XXYLT1: variants seen among roughly 807,000 people sequenced by gnomAD.
The protein encoded by XXYLT1 is xyloside xylosyltransferase 1, also known as UDP-xylose:alpha-xyloside alpha-1,3-xylosyltransferase.
In XXYLT1, 20 loss-of-function variants were observed where a neutral mutation model predicts 28.9. That is an observed-to-expected ratio of 0.69 (90% confidence interval 0.49 to 1.00). XXYLT1 has a LOEUF of 1.00. XXYLT1 is among the 50% of genes least tolerant of loss of function. XXYLT1 has a pLI of 0.00. For missense variants in XXYLT1, 542 were observed against 560.1 expected, an observed-to-expected ratio of 0.97 and a Z score of 0.33; for synonymous variants, 257 against 253.8, an observed-to-expected ratio of 1.01 and a Z score of -0.12.
At chr3:195,201,699 A>G (rs1332474214) in intron 2 of XXYLT1, among the ~76,000 whole-genome samples, 1 of 152,156 alleles carries the variant, frequency 6.6e-6, no homozygotes, top group East Asian at 1.9e-4. Context: ...AGCTGGGCAG[A>G]TGTACACATT....
chr3:195,207,548 T>G (rs1723127212), intron 2 of XXYLT1: 1 of 447,134 alleles, frequency 2.2e-6, no homozygotes, highest in African/African-American at 2.0e-5. Flanking sequence ...CCTCAAAGCC[T>G]TCCCCAAATT....
intron 2 of XXYLT1, among the ~76,000 whole-genome samples, chr3:195,174,653 C>T (rs1721569009): frequency 6.6e-6 from 1 of 150,856 alleles, no homozygotes; most frequent in African/African-American, 2.4e-5. Context: ...CTTTCCTTCC[C>T]TCTTTCCCTC....
At position 195,180,413 on chromosome 3, in the gene XXYLT1, G is replaced by A. The variant is rs553460595; in HGVS notation, c.653-23832C>T. Reference sequence around the variant, plus strand: ...CACTTCCTTCGGCTGCAGCCTCGCCGATTCCCGAGCTGTTTCCTGCTGCTT... The same window carrying A: ...CACTTCCTTCGGCTGCAGCCTCGCCAATTCCCGAGCTGTTTCCTGCTGCTT... On this transcript the variant is annotated intron_variant, in intron 2 of 3. Coordinates refer to ENST00000310380, the MANE Select transcript of XXYLT1 (RefSeq NM_152531.5). This position sits in a 1 kb window ranked among gnomAD's most constrained non-coding sequence, Gnocchi z 5.8. 23 of 985,682 alleles carry A rather than the reference G, an allele frequency of 2.3e-5. No individual in the cohort carries two copies. The South Asian group carries it at 7.5e-4, about 32-fold the overall frequency. 61.1% of individuals were successfully genotyped at this position (985,682 alleles called of 1,614,324 possible). A position where few individuals can be genotyped will look rare whatever the true frequency, so the allele number is the denominator to read the frequency against.
intron 3 of XXYLT1, among the ~76,000 whole-genome samples, chr3:195,097,334 C>T (rs1716503669): frequency 9.2e-6 from 1 of 108,496 alleles, no homozygotes; most frequent in Non-Finnish European, 1.8e-5. Context: ...TGATTTCATC[C>T]TCACTAAACT....
At chr3:195,145,413 A>G (rs990510795) in intron 3 of XXYLT1, among the ~76,000 whole-genome samples, 2 of 145,416 alleles carry the variant, frequency 1.4e-5, no homozygotes, top group Non-Finnish European at 3.0e-5. Flanking sequence ...AAGTCACATG[A>G]ACGGGCACCT....
chr3:195,251,171 C>T (rs934613357), intron 1 of XXYLT1, among the ~76,000 whole-genome samples: 6 of 152,268 alleles, frequency 3.9e-5, no homozygotes, highest in African/African-American at 1.4e-4. Context: ...GCCCCGCGGG[C>T]AGGTCCCCCA....
chr3:195,211,682 G>T (rs1042209091), intron 2 of XXYLT1, among the ~76,000 whole-genome samples: 1 of 152,216 alleles, frequency 6.6e-6, no homozygotes, highest in Non-Finnish European at 1.5e-5. Flanking sequence ...CAGACGATAA[G>T]AACTATGAAG....
At chr3:195,075,852 G>A (rs1296036212) in intron 3 of XXYLT1, among the ~76,000 whole-genome samples, 1 of 152,208 alleles carries the variant, frequency 6.6e-6, no homozygotes, top group African/African-American at 2.4e-5. Flanking sequence ...AGGGGCAAGC[G>A]AGGTCGAGGC....
At chr3:195,192,233 GC>G (rs1486831817) in intron 2 of XXYLT1, among the ~76,000 whole-genome samples, 1 of 152,086 alleles carries the variant, frequency 6.6e-6, no homozygotes, top group Non-Finnish European at 1.5e-5. Flanking sequence ...GACCAACCTG[GC>G]CAACATGGTG....
chr3:195,202,047 T>C (rs9877006), intron 2 of XXYLT1, among the ~76,000 whole-genome samples: 10 of 151,384 alleles, frequency 6.6e-5, no homozygotes, highest in South Asian at 2.1e-4. Context: ...TGTGGTGGTG[T>C]GCACCTGTAA....
intron 2 of XXYLT1, among the ~76,000 whole-genome samples, chr3:195,169,868 TA>T (rs57389717): frequency 0.12 from 15,470 of 129,964 alleles, 953 homozygotes; most frequent in East Asian, 0.28. Flanking sequence ...TATATATATA[TA>T]TTTTTTTTTT....
At chr3:195,262,780 A>G (rs148583078) in intron 1 of XXYLT1, among the ~76,000 whole-genome samples, 158 of 152,354 alleles carry the variant, frequency 1.0e-3, no homozygotes, top group African/African-American at 3.8e-3. Context: ...CTGTGATCAT[A>G]AAGTTTTCCA....
intron 3 of XXYLT1, among the ~76,000 whole-genome samples, chr3:195,118,440 A>G (rs188672196): frequency 4.1e-5 from 6 of 147,858 alleles, no homozygotes; most frequent in African/African-American, 1.5e-4. Flanking sequence ...CTCCCAGTGC[A>G]TGTCACCGAG....
Position 195,270,966 on chromosome 3 carries a change from C to A in XXYLT1, c.93G>T (p.Ala31=). ...AGTAGAAGGCGCAGACGGCCAGCGC[C>A]GCGGCCAGCAGCAGGGCGCAGTAGT... is the stretch of plus-strand genomic sequence containing the variant. ...RSHYCALLLA[A]ALAVCAFYYL... The change falls in exon 1 of 4, where the codon GCG becomes GCT. Residue 31 remains alanine, a synonymous_variant. Coordinates refer to ENST00000310380, the MANE Select transcript of XXYLT1 (RefSeq NM_152531.5). 6.7e-7 allele frequency: 1 copy of A among 1,488,258 alleles called. No individual in the cohort carries two copies. Among genetic ancestry groups the A allele is most frequent in the South Asian group, 1.3e-5 (1 of 78,602 alleles). The allele number at this position is 1,488,258 out of a possible 1,614,324, so 92.2% of individuals were successfully genotyped here. A position where few individuals can be genotyped will look rare whatever the true frequency, so the allele number is the denominator to read the frequency against.
chr3:195,198,450 G>T (rs1722717642), intron 2 of XXYLT1, among the ~76,000 whole-genome samples: 1 of 152,136 alleles, frequency 6.6e-6, no homozygotes, highest in African/African-American at 2.4e-5. Context: ...TCCACAGTAA[G>T]AAAAGCCTCT....
intron 1 of XXYLT1, among the ~76,000 whole-genome samples, chr3:195,239,335 AG>A (rs1436095934): frequency 6.6e-6 from 1 of 152,174 alleles, no homozygotes; most frequent in East Asian, 1.9e-4. Flanking sequence ...GCAGTGCGGC[AG>A]GGGGCAGCAA....
chr3:195,163,736 G>T (rs1160685207), intron 2 of XXYLT1, among the ~76,000 whole-genome samples: 1 of 152,202 alleles, frequency 6.6e-6, no homozygotes, highest in East Asian at 1.9e-4. Flanking sequence ...TCCACGGAGG[G>T]CATGGCTGCT....
At chr3:195,085,012 C>T (rs370323638) in intron 3 of XXYLT1, among the ~76,000 whole-genome samples, 1 of 152,224 alleles carries the variant, frequency 6.6e-6, no homozygotes, top group East Asian at 1.9e-4. Flanking sequence ...TGCCAAAAAC[C>T]TCCAGAGTGT....
At chr3:195,200,088 C>T (rs1453550232) in intron 2 of XXYLT1, among the ~76,000 whole-genome samples, 2 of 152,240 alleles carry the variant, frequency 1.3e-5, no homozygotes, top group African/African-American at 4.8e-5. Context: ...TCCATCGCTG[C>T]TTTTCACATT....
Sources: gnomAD v4.1 joint callset for allele counts (sites outside exome capture counted in the v4.1 genomes callset) on GRCh38, gnomAD v4.1.1 for gene constraint, Gnocchi (gnomAD v3.1) non-coding constraint, MANE v1.5 for transcripts, NCBI Gene and HGNC (gene_info 2026-07-23, HGNC 2026-07-21) for gene names.